SART3: variants seen among roughly 807,000 people sequenced by gnomAD.
The protein encoded by SART3 is spliceosome associated factor 3, U4/U6 recycling protein.
In SART3, 44 loss-of-function variants were observed where a neutral mutation model predicts 122.3. The ratio of observed to expected loss-of-function variants is 0.36; its 90% confidence interval spans 0.28 to 0.46. The LOEUF is 0.46. SART3 is among the 20% of genes least tolerant of loss of function. The probability of loss-of-function intolerance (pLI) is 1.00; values close to 1 mark genes in which losing one functional copy is unlikely to be tolerated. For synonymous variants in SART3, 442 were observed against 454.0 expected (o/e 0.97, Z 0.34); for missense variants, 1,101 against 1,229.0 (o/e 0.90, Z 1.56).
intron 15 of SART3, among the ~76,000 whole-genome samples, chr12:108,527,458 C>T (rs556128830): frequency 3.3e-5 from 5 of 152,214 alleles, no homozygotes; most frequent in South Asian, 2.1e-4. Flanking sequence ...CTTCCTGGTA[C>T]GAAGTTGACC....
At chr12:108,546,109 G>C (rs529840774) in intron 3 of SART3, among the ~76,000 whole-genome samples, 2 of 152,090 alleles carry the variant, frequency 1.3e-5, no homozygotes, top group East Asian at 3.9e-4. Flanking sequence ...TATCATCTCA[G>C]AACAGTCTAT....
At chr12:108,526,691 C>T (rs1872402172) in intron 15 of SART3, 138 bp from the exon 16 acceptor site, 1 of 913,272 alleles carries the variant, frequency 1.1e-6, no homozygotes. Flanking sequence ...GGGGCAAGCA[C>T]CACCCCGAGA....
chr12:108,537,176 A>G, intron 9 of SART3: 1 of 430,994 alleles, frequency 2.3e-6, no homozygotes, highest in East Asian at 4.9e-5. Flanking sequence ...CAGAGGTACA[A>G]AGATTTTTCT....
At chr12:108,552,206 G>C (rs560931012) in intron 1 of SART3, among the ~76,000 whole-genome samples, 4 of 152,168 alleles carry the variant, frequency 2.6e-5, no homozygotes, top group African/African-American at 9.6e-5. Context: ...ACCTGATAAA[G>C]AGCATCTATA....
intron 1 of SART3, among the ~76,000 whole-genome samples, chr12:108,558,188 G>A (rs1178941815): frequency 6.6e-6 from 1 of 152,074 alleles, no homozygotes; most frequent in Non-Finnish European, 1.5e-5. Flanking sequence ...TAAACACTGA[G>A]GGATGAGAAC....
intron 1 of SART3, among the ~76,000 whole-genome samples, chr12:108,559,786 T>C (rs1234401000): frequency 2.0e-5 from 3 of 151,974 alleles, no homozygotes; most frequent in Non-Finnish European, 4.4e-5. Flanking sequence ...CATGCACAGG[T>C]TTCCTGGCTC....
At chr12:108,553,191 C>T (rs559117278) in intron 1 of SART3, among the ~76,000 whole-genome samples, 10 of 152,240 alleles carry the variant, frequency 6.6e-5, no homozygotes, top group African/African-American at 2.2e-4. Context: ...AAATGGATCA[C>T]ACTTAAATGT....
intron 15 of SART3, among the ~76,000 whole-genome samples, 184 bp from the exon 16 acceptor site, chr12:108,526,737 T>G (rs948042258): frequency 2.0e-5 from 3 of 150,298 alleles, no homozygotes; most frequent in Non-Finnish European, 3.0e-5. Context: ...TCCCACGACT[T>G]TCTGTGCCCC....
At chr12:108,548,939 TA>T in intron 2 of SART3, 148 bp downstream of exon 2, 2 of 1,213,512 alleles carry the variant, frequency 1.6e-6, no homozygotes, top group Non-Finnish European at 2.3e-6. Flanking sequence ...TACAATAAAC[TA>T]AAAATAGCTA....
intron 1 of SART3, among the ~76,000 whole-genome samples, chr12:108,551,204 C>T (rs565694770): frequency 1.1e-4 from 17 of 152,270 alleles, no homozygotes; most frequent in Admixed American, 3.9e-4. Flanking sequence ...TATCACATAA[C>T]GTACACTTCA....
In SART3 at chr12:108,561,085, CGTCAGCCTTGGGCCCAGCCTTGGA is replaced by C. The variant is rs1565871519; in HGVS notation, c.46_69del (p.Ser16_Asp23del). 6.2e-7 allele frequency: 1 copy of C among 1,614,184 alleles called. No homozygotes were observed. Among genetic ancestry groups the C allele is most frequent in the Non-Finnish European group, 8.5e-7 (1 of 1,180,024 alleles). On this transcript the variant is annotated inframe_deletion, in exon 1 of 19. Transcript: ENST00000546815. ...GCCGCCTTAACCTCATCCTCCTCTC[CGTCAGCCTTGGGCCCAGCCTTGGA>C]CTCAGCCTCGGGTTCTGAAGCCGAG...
chr12:108,532,389 G>A (rs953833122), intron 12 of SART3, 55 bp from the exon 13 acceptor site: 18 of 1,453,306 alleles, frequency 1.2e-5, no homozygotes, highest in African/African-American at 9.7e-5. Flanking sequence ...GAAGGCACTC[G>A]AAGGGAGAGG....
At chr12:108,559,664 CAAAAAAAAAAAAAA>C (rs35159668) in intron 1 of SART3, among the ~76,000 whole-genome samples, 2 of 79,760 alleles carry the variant, frequency 2.5e-5, no homozygotes, top group East Asian at 3.7e-4. Flanking sequence ...GACTCTGTCT[CAAAAAAAAAAAAAA>C]AAAAAAAAAG....
chr12:108,537,607 G>A lies in SART3; in HGVS notation c.1202-12C>T. 1 of 1,605,654 alleles carries A rather than the reference G, an allele frequency of 6.2e-7. No individual in the cohort carries two copies. Among genetic ancestry groups the A allele is most frequent in the Non-Finnish European group, 8.5e-7 (1 of 1,172,482 alleles). On this transcript the variant is annotated splice_polypyrimidine_tract_variant and intron_variant, in intron 8 of 18. Transcript: ENST00000546815. ...TTTCTCGAAGGTTACTGGAGTTGGA[G>A]AAAAGTCAGGATTTGTTACCAATTC... is the stretch of plus-strand genomic sequence containing the variant.
chr12:108,523,985 T>C lies in SART3; in HGVS notation c.2714+331A>G, dbSNP rs1182141175. 5.5e-6 allele frequency: 3 copies of C among 547,800 alleles called. No individual in the cohort carries two copies. The South Asian group carries it at 6.2e-5, about 11-fold the overall frequency. The allele number at this position is 547,800 out of a possible 1,614,324, so 33.9% of individuals were successfully genotyped here. A position where few individuals can be genotyped will look rare whatever the true frequency, so the allele number is the denominator to read the frequency against. On this transcript the variant is annotated intron_variant, in intron 18 of 18. Transcript: ENST00000546815. Reference sequence around the variant, plus strand: ...CTTATGTGGATCATAGCTAGGGCCGTAGACTGGCACACACATGGGTATGAG... The same window carrying C: ...CTTATGTGGATCATAGCTAGGGCCGCAGACTGGCACACACATGGGTATGAG...
chr12:108,557,156 T>C (rs2030255754), intron 1 of SART3, among the ~76,000 whole-genome samples: 1 of 151,546 alleles, frequency 6.6e-6, no homozygotes, highest in Non-Finnish European at 1.5e-5. Context: ...TACTGATAAA[T>C]GAGTACATAT....
chr12:108,535,164 A>G (rs1872847741), intron 12 of SART3, among the ~76,000 whole-genome samples, 195 bp downstream of exon 12: 1 of 152,234 alleles, frequency 6.6e-6, no homozygotes, highest in African/African-American at 2.4e-5. Context: ...TGGCTATAAG[A>G]GTTCCAGGCA....
chr12:108,527,172 A>G (rs7134475), intron 15 of SART3, among the ~76,000 whole-genome samples: 120,063 of 152,160 alleles, frequency 0.79, 47,954 homozygotes, highest in East Asian at 0.92. Context: ...AATGCAACGT[A>G]AGCCCTGCAC....
chr12:108,536,521 C>T lies in SART3; in HGVS notation c.1439G>A (p.Arg480Lys), dbSNP rs1317636626. 1 of 1,614,114 alleles carries T rather than the reference C, an allele frequency of 6.2e-7. No homozygotes were observed. The highest frequency in any genetic ancestry group is 8.5e-7 in the Non-Finnish European group (1 of 1,179,986). The change falls in exon 11 of 19, where the codon AGG becomes AAG. Residue 480 changes from arginine (R) to lysine (K), a missense_variant. Arg to Lys is a conservative substitution (Grantham distance 26). Around this residue, in one of 2 missense-constraint regions of SART3, gnomAD observed 885 missense variants for 1,080.1 expected, o/e 0.82. Coordinates refer to ENST00000546815, the MANE Select transcript of SART3 (RefSeq NM_014706.4). ...TGTGTCAAAAACATTTACCTCAATC[C>T]TAGCCCAGTTCTGCATAATCACGCA... ...PSCVIMQNWARIEARLCNNMQ... is the reference protein window; with the variant it reads ...PSCVIMQNWAKIEARLCNNMQ...
Sources: allele counts gnomAD v4.1 joint callset (sites outside exome capture counted in the v4.1 genomes callset), GRCh38; gene constraint gnomAD v4.1.1; regional missense constraint gnomAD v4.1.1; transcripts MANE v1.5; gene names NCBI Gene and HGNC (gene_info 2026-07-23, HGNC 2026-07-21).